Variants in BTBD9 observed in about 807,000 individuals in gnomAD.
BTBD9 encodes the protein BTB/POZ domain-containing protein 9.
Under a neutral mutation model 64.3 loss-of-function variants are expected in BTBD9, and 49 were observed. The observed-to-expected ratio is 0.76, with a 90% CI of 0.61 to 0.97. The LOEUF (loss-of-function observed/expected upper bound fraction) is 0.97, where lower values mean the gene tolerates loss of function less well. Ranked by LOEUF, BTBD9 falls within the 50% of genes least tolerant of loss-of-function variation. The probability of loss-of-function intolerance (pLI) is 0.00; values close to 1 mark genes in which losing one functional copy is unlikely to be tolerated. For synonymous variants in BTBD9, 260 were observed against 274.7 expected (o/e 0.95, Z 0.53); for missense variants, 598 against 762.1 (o/e 0.78, Z 2.53).
At chr6:38,303,530 C>T (rs1396351965) in intron 7 of BTBD9, among the ~76,000 whole-genome samples, 1 of 151,976 alleles carries the variant, frequency 6.6e-6, no homozygotes, top group East Asian at 1.9e-4. Context: ...TGCTGATATC[C>T]TCTGTAGACA....
intron 1 of BTBD9, among the ~76,000 whole-genome samples, chr6:38,630,654 A>G (rs1252470203): frequency 6.6e-6 from 1 of 152,234 alleles, no homozygotes; most frequent in Non-Finnish European, 1.5e-5. Flanking sequence ...AACTAGAATA[A>G]AAGAGTTAAG....
At chr6:38,577,099 G>A (rs1038163887) in intron 6 of BTBD9, among the ~76,000 whole-genome samples, 2 of 152,122 alleles carry the variant, frequency 1.3e-5, no homozygotes, top group Non-Finnish European at 2.9e-5. Context: ...CACCTGTTCT[G>A]TCAAACCCCA....
At chr6:38,228,886 AAAAACAAAAAC>A (rs1318448139) in intron 9 of BTBD9, among the ~76,000 whole-genome samples, 1 of 150,006 alleles carries the variant, frequency 6.7e-6, no homozygotes, top group East Asian at 2.0e-4. Context: ...AAACAAAAAC[AAAAACAAAAAC>A]AAAACAAAAA....
intron 9 of BTBD9, among the ~76,000 whole-genome samples, chr6:38,254,696 T>C (rs980601692): frequency 6.6e-6 from 1 of 152,110 alleles, no homozygotes; most frequent in African/African-American, 2.4e-5. Flanking sequence ...GAAATGCACA[T>C]GAAAACCATA....
At chr6:38,334,507 C>T (rs1165888284) in intron 7 of BTBD9, among the ~76,000 whole-genome samples, 6 of 151,980 alleles carry the variant, frequency 3.9e-5, no homozygotes, top group South Asian at 2.1e-4. Flanking sequence ...TTGTAGTCAG[C>T]GGAGGTTGTA....
intron 6 of BTBD9, among the ~76,000 whole-genome samples, chr6:38,510,590 A>G (rs1772732213): frequency 1.3e-5 from 2 of 152,246 alleles, no homozygotes; most frequent in Non-Finnish European, 2.9e-5. Flanking sequence ...TTAATTTTTA[A>G]CTTTCTGAAT....
At chr6:38,203,510 A>G (rs538779111) in intron 9 of BTBD9, among the ~76,000 whole-genome samples, 83 of 152,374 alleles carry the variant, frequency 5.4e-4, no homozygotes, top group Admixed American at 2.0e-3. Flanking sequence ...GTGTCCATCA[A>G]TGGACGTAAG....
chr6:38,506,636 A>G (rs916037485), intron 6 of BTBD9, among the ~76,000 whole-genome samples: 4 of 152,200 alleles, frequency 2.6e-5, no homozygotes, highest in Non-Finnish European at 4.4e-5. Context: ...GACTATCTGT[A>G]TTTTACTAGC....
chr6:38,479,864 G>T (rs767115022), intron 6 of BTBD9, among the ~76,000 whole-genome samples: 1 of 152,150 alleles, frequency 6.6e-6, no homozygotes, highest in Non-Finnish European at 1.5e-5. Flanking sequence ...GAGTAGCTGG[G>T]ACTACAGGTG....
rs757242033 is a variant in BTBD9, at chr6:38,426,578, C to T, written c.1155-81485G>A. On this transcript the variant is annotated intron_variant, in intron 6 of 10. Coordinates refer to ENST00000481247, the MANE Select transcript of BTBD9 (RefSeq NM_001099272.2). ...GACCCACCGCTGACTTCCATTCTTC[C>T]GGATCCGGCAGGGTGTCCGCTGTGC... 2.7e-4 allele frequency among the ~76,000 whole-genome samples: 41 copies of T among 152,010 alleles called. No individual in the cohort carries two copies. In the Middle Eastern group the frequency reaches 0.01, roughly 38 times the overall value.
chr6:38,268,632 T>TAA lies in BTBD9; in HGVS notation c.1455-12117_1455-12116insTT, dbSNP rs1185345143. Among the ~76,000 whole-genome samples, 6 of 152,198 alleles carry TAA rather than the reference T, an allele frequency of 3.9e-5. No homozygotes were observed. The East Asian group carries it at 9.6e-4, about 24-fold the overall frequency. On this transcript the variant is annotated intron_variant, in intron 8 of 10. Coordinates refer to ENST00000481247, the MANE Select transcript of BTBD9 (RefSeq NM_001099272.2). ...ACAACCAGTACTATTTTCCCACACC[T>TAA]CTTTCTCTTTCTTCTCAGACTGACC...
At chr6:38,225,504 A>T (rs1763363215) in intron 9 of BTBD9, among the ~76,000 whole-genome samples, 1 of 152,254 alleles carries the variant, frequency 6.6e-6, no homozygotes, top group Non-Finnish European at 1.5e-5. Flanking sequence ...TCCTTTAGTA[A>T]CTATTAATAA....
intron 6 of BTBD9, among the ~76,000 whole-genome samples, chr6:38,423,422 A>C (rs1301129986): frequency 6.6e-6 from 1 of 151,896 alleles, no homozygotes; most frequent in Non-Finnish European, 1.5e-5. Context: ...CTCCCACCTA[A>C]GCCTCCCTCG....
intron 7 of BTBD9, among the ~76,000 whole-genome samples, chr6:38,295,956 G>A (rs902524201): frequency 1.3e-5 from 2 of 152,154 alleles, no homozygotes; most frequent in African/African-American, 2.4e-5. Flanking sequence ...GCTGAGGCAG[G>A]AGAATCGCTT....
At chr6:38,202,405 CA>C (rs1762497998) in intron 9 of BTBD9, among the ~76,000 whole-genome samples, 1 of 149,184 alleles carries the variant, frequency 6.7e-6, no homozygotes, top group Non-Finnish European at 1.5e-5. Flanking sequence ...TTTACAGAAA[CA>C]GAAAAAAAAA....
intron 6 of BTBD9, among the ~76,000 whole-genome samples, chr6:38,349,201 T>A (rs1224516991): frequency 6.6e-6 from 1 of 152,172 alleles, no homozygotes; most frequent in Non-Finnish European, 1.5e-5. Flanking sequence ...AAATTTTTTT[T>A]TAAAACTTAG....
chr6:38,219,154 G>C (rs1290393854), intron 9 of BTBD9, among the ~76,000 whole-genome samples: 7 of 62,810 alleles, frequency 1.1e-4, no homozygotes, highest in Non-Finnish European at 2.2e-4. Context: ...TTTTTTTTTT[G>C]AGACCGAGTC....
At chr6:38,337,558 A>G (rs1000649618) in intron 7 of BTBD9, among the ~76,000 whole-genome samples, 23 of 152,356 alleles carry the variant, frequency 1.5e-4, no homozygotes, top group African/African-American at 4.8e-4. Flanking sequence ...GGCAAGAGAT[A>G]CGTTCAGTTC....
chr6:38,318,038 G>A (rs1353181028), intron 7 of BTBD9, among the ~76,000 whole-genome samples: 2 of 150,568 alleles, frequency 1.3e-5, no homozygotes, highest in African/African-American at 2.5e-5. Flanking sequence ...GGGTTCAAGC[G>A]ATTCTCCTGC....
Sources: allele counts gnomAD v4.1 joint callset (sites outside exome capture counted in the v4.1 genomes callset), GRCh38; gene constraint gnomAD v4.1.1; transcripts MANE v1.5; gene names NCBI Gene and HGNC (gene_info 2026-07-23, HGNC 2026-07-21).